Variants in CCDC102B observed in about 807,000 individuals in gnomAD.
The protein encoded by CCDC102B is coiled-coil domain containing 102B.
Under a neutral mutation model 57.4 loss-of-function variants are expected in CCDC102B, and 75 were observed. That is an observed-to-expected ratio of 1.31 (90% confidence interval 1.08 to 1.58). CCDC102B has a LOEUF of 1.58. CCDC102B is among the 40% of genes most tolerant of loss of function. The pLI, the probability that CCDC102B is intolerant of heterozygous loss-of-function variation, is 0.00. For missense variants in CCDC102B, 636 were observed against 582.6 expected, an observed-to-expected ratio of 1.09 and a Z score of -0.94; for synonymous variants, 206 against 201.9, an observed-to-expected ratio of 1.02 and a Z score of -0.17.
intron 7 of CCDC102B, among the ~76,000 whole-genome samples, chr18:69,019,648 A>G (rs1233640065): frequency 6.6e-6 from 1 of 152,066 alleles, no homozygotes; most frequent in Admixed American, 6.6e-5. Context: ...AGATTTTTAC[A>G]TATTGCATCA....
At chr18:68,847,275 A>T (rs1428068693) in intron 4 of CCDC102B, among the ~76,000 whole-genome samples, 13 of 151,784 alleles carry the variant, frequency 8.6e-5, no homozygotes, top group Non-Finnish European at 1.6e-4. Context: ...TGGCGTTCAC[A>T]ATACATTGAT....
intron 6 of CCDC102B, among the ~76,000 whole-genome samples, chr18:68,992,195 G>A (rs1568107271): frequency 6.6e-6 from 1 of 152,044 alleles, no homozygotes. Flanking sequence ...AGGGAGTTTG[G>A]ACTTTTCATT....
intron 6 of CCDC102B, among the ~76,000 whole-genome samples, chr18:68,979,773 C>A (rs751930169): frequency 1.3e-5 from 2 of 151,906 alleles, no homozygotes; most frequent in Non-Finnish European, 2.9e-5. Flanking sequence ...GTGGCCACTG[C>A]AGGTTGGCAG....
At chr18:68,982,566 A>T (rs1346474621) in intron 6 of CCDC102B, among the ~76,000 whole-genome samples, 1 of 151,982 alleles carries the variant, frequency 6.6e-6, no homozygotes, top group African/African-American at 2.4e-5. Context: ...AAGACAAAAG[A>T]TGCTGTATAA....
intron 1 of CCDC102B, among the ~76,000 whole-genome samples, chr18:68,835,128 A>G (rs1042586705): frequency 6.6e-6 from 1 of 152,146 alleles, no homozygotes; most frequent in Non-Finnish European, 1.5e-5. Flanking sequence ...CAATATACCT[A>G]AATTAAACTG....
At chr18:68,886,036 A>G (rs1298043102) in intron 5 of CCDC102B, among the ~76,000 whole-genome samples, 4 of 151,908 alleles carry the variant, frequency 2.6e-5, no homozygotes, top group African/African-American at 9.7e-5. Flanking sequence ...AGTATACTAC[A>G]TTGGTCACTT....
chr18:68,990,121 C>A lies in CCDC102B; in HGVS notation c.1264-20813C>A, dbSNP rs2050826533. 2.0e-5 allele frequency among the ~76,000 whole-genome samples: 3 copies of A among 152,178 alleles called. No homozygotes were observed. The South Asian group carries it at 6.2e-4, about 31-fold the overall frequency. ...GCACCATCTCTTTGCTCCATAGGAA[C>A]AGGTTACTTTTCCTTTTTCCAATGT... On this transcript the variant is annotated intron_variant, in intron 6 of 7. Transcript: ENST00000360242.
chr18:68,895,530 A>G (rs1348435956), intron 5 of CCDC102B, among the ~76,000 whole-genome samples: 5 of 151,810 alleles, frequency 3.3e-5, no homozygotes, highest in Non-Finnish European at 7.4e-5. Flanking sequence ...ATTATAAAGT[A>G]TGTTGCAATG....
chr18:68,742,421 C>T (rs1245331615), intron 2 of CCDC102B, among the ~76,000 whole-genome samples: 1 of 152,160 alleles, frequency 6.6e-6, no homozygotes, highest in East Asian at 1.9e-4. Context: ...CAAATAAAGT[C>T]ACATTGACAC....
At chr18:68,768,673 T>C (rs2034544102) in intron 2 of CCDC102B, among the ~76,000 whole-genome samples, 2 of 152,058 alleles carry the variant, frequency 1.3e-5, no homozygotes, top group Admixed American at 1.3e-4. Context: ...ATGAGCAAAT[T>C]ATTTTTCTTG....
chr18:68,772,469 A>C (rs893308820), intron 2 of CCDC102B, among the ~76,000 whole-genome samples: 10 of 152,132 alleles, frequency 6.6e-5, no homozygotes, highest in Non-Finnish European at 1.5e-4. Flanking sequence ...TTCTTGACCC[A>C]AACTGTCGAG....
At chr18:68,729,242 A>G (rs1233444350) in intron 2 of CCDC102B, among the ~76,000 whole-genome samples, 1 of 152,252 alleles carries the variant, frequency 6.6e-6, no homozygotes, top group Non-Finnish European at 1.5e-5. Context: ...ACTGCAGTGG[A>G]TAGATAACAT....
intron 1 of CCDC102B, among the ~76,000 whole-genome samples, chr18:68,831,639 C>A (rs73460023): frequency 0.018 from 2,779 of 152,142 alleles, 68 homozygotes; most frequent in African/African-American, 0.05. Context: ...CTCATTTGCA[C>A]CAACTAGCAG....
At chr18:68,853,539 A>G (rs1243158204) in intron 4 of CCDC102B, among the ~76,000 whole-genome samples, 1 of 151,888 alleles carries the variant, frequency 6.6e-6, no homozygotes, top group Non-Finnish European at 1.5e-5. Flanking sequence ...TAGAACTTTT[A>G]TTATGTTTTC....
At chr18:68,857,530 C>A (rs932938300) in intron 4 of CCDC102B, among the ~76,000 whole-genome samples, 4 of 148,048 alleles carry the variant, frequency 2.7e-5, no homozygotes, top group Non-Finnish European at 4.5e-5. Flanking sequence ...TTCCACTTAC[C>A]TTGTATCACT....
At chr18:68,945,078 G>C (rs58263966) in intron 6 of CCDC102B, among the ~76,000 whole-genome samples, 14 of 53,288 alleles carry the variant, frequency 2.6e-4, no homozygotes, top group African/African-American at 3.3e-4. Context: ...GTGTGTGTGT[G>C]TCTCTCTCTC....
chr18:68,765,366 AAAGAAAG>A (rs1276564952), intron 2 of CCDC102B, among the ~76,000 whole-genome samples: 16 of 141,740 alleles, frequency 1.1e-4, no homozygotes, highest in African/African-American at 3.7e-4. Context: ...AGAAAGAAAG[AAAGAAAG>A]AAAGAAAAGA....
At chr18:68,969,394 G>A (rs1016805992) in intron 6 of CCDC102B, among the ~76,000 whole-genome samples, 10 of 151,604 alleles carry the variant, frequency 6.6e-5, no homozygotes, top group African/African-American at 2.4e-4. Context: ...TTTTCTGAAG[G>A]TTTTGCGGTT....
At chr18:68,962,485 C>T (rs141999090) in intron 6 of CCDC102B, among the ~76,000 whole-genome samples, 1 of 152,104 alleles carries the variant, frequency 6.6e-6, no homozygotes, top group Non-Finnish European at 1.5e-5. Flanking sequence ...CATGATTTTA[C>T]ATTATTGCTT....
Sources: gnomAD v4.1 joint callset for allele counts (sites outside exome capture counted in the v4.1 genomes callset) on GRCh38, gnomAD v4.1.1 for gene constraint, MANE v1.5 for transcripts, NCBI Gene and HGNC (gene_info 2026-07-23, HGNC 2026-07-21) for gene names.